The following CDH11 variants were observed in gnomAD, a reference collection of about 807,000 sequenced individuals.
CDH11 encodes the protein cadherin 11.
CDH11 carries 11 observed loss-of-function variants against 67.8 expected under a neutral mutation model. That is an observed-to-expected ratio of 0.16 (90% confidence interval 0.10 to 0.27). CDH11 has a LOEUF of 0.27. Among genes scored for constraint, CDH11 ranks in the 10% least tolerant of loss-of-function variants. The pLI, the probability that CDH11 is intolerant of heterozygous loss-of-function variation, is 1.00. For missense variants in CDH11, 847 were observed against 1,031.2 expected (o/e 0.82, Z 2.45); for synonymous variants, 419 against 400.0 (o/e 1.05, Z -0.57).
chr16:65,020,619 G>T (rs1278325018), intron 2 of CDH11, among the ~76,000 whole-genome samples: 3 of 152,160 alleles, frequency 2.0e-5, no homozygotes, highest in African/African-American at 7.2e-5. Context: ...TGTGAGCCAT[G>T]ATGCCGAGCC....
intron 1 of CDH11, among the ~76,000 whole-genome samples, chr16:65,073,759 G>A (rs2074460102): frequency 6.6e-6 from 1 of 152,072 alleles, no homozygotes; most frequent in Admixed American, 6.5e-5. Flanking sequence ...GTCACTTGGG[G>A]ACCTTATTAA....
chr16:65,107,487 T>C (rs75708868), intron 1 of CDH11, among the ~76,000 whole-genome samples: 5,429 of 152,284 alleles, frequency 0.036, 135 homozygotes, highest in South Asian at 0.12. Flanking sequence ...GTACTCTCCC[T>C]GTGAATTTCC....
At chr16:65,034,216 A>G (rs1177891593) in intron 2 of CDH11, among the ~76,000 whole-genome samples, 1 of 152,202 alleles carries the variant, frequency 6.6e-6, no homozygotes, top group Non-Finnish European at 1.5e-5. Context: ...CTGAGTTACC[A>G]GAAGCTAGGA....
At chr16:64,960,651 C>T (rs1433524763) in intron 11 of CDH11, among the ~76,000 whole-genome samples, 1 of 152,038 alleles carries the variant, frequency 6.6e-6, no homozygotes, top group Non-Finnish European at 1.5e-5. Flanking sequence ...CATGTGAGAG[C>T]ATGGCATATT....
chr16:64,971,506 T>C (rs2072004001), intron 11 of CDH11, 73 bp downstream of exon 11: 3 of 804,208 alleles, frequency 3.7e-6, no homozygotes, highest in Non-Finnish European at 6.3e-6. Flanking sequence ...TGAAAATACT[T>C]GTGCTATGCA....
chr16:65,007,040 G>A (rs1351182773), intron 2 of CDH11: 1 of 152,214 alleles, frequency 6.6e-6, no homozygotes, highest in Non-Finnish European at 1.5e-5. Flanking sequence ...GGGTGATGAG[G>A]TGCTTTCTCC....
At chr16:65,056,189 G>C (rs2074139000) in intron 1 of CDH11, among the ~76,000 whole-genome samples, 1 of 152,326 alleles carries the variant, frequency 6.6e-6, no homozygotes, top group East Asian at 1.9e-4. Context: ...TGGCTGCCAT[G>C]TCAAAAGTTC....
rs1441640825 is a variant in CDH11, at chr16:64,945,005, C to T, written c.*2598G>A. The T allele has an allele frequency of 1.4e-5, 3 of 209,744 alleles. No individual in the cohort carries two copies. Among genetic ancestry groups the T allele is most frequent in the Non-Finnish European group, 2.9e-5 (3 of 103,312 alleles). The allele number at this position is 209,744 out of a possible 1,614,324, so 13.0% of individuals were successfully genotyped here. Reference sequence around the variant, plus strand: ...ATTCTGAATCCTCCAGTAAGTGGAACAGGGTTTATAAAATAAGATTTTGAT... The same window carrying T: ...ATTCTGAATCCTCCAGTAAGTGGAATAGGGTTTATAAAATAAGATTTTGAT... On this transcript the variant is annotated 3_prime_UTR_variant, in exon 13 of 13. Transcript: ENST00000268603.
rs1183049909 is a variant in CDH11, at chr16:64,988,255, C to T, written c.901G>A (p.Gly301Ser). The change falls in exon 7 of 13, where the codon GGC becomes AGC. Residue 301 changes from glycine to serine, a missense_variant. By Grantham distance (56) the Gly-to-Ser change is moderately conservative. This residue lies in a region of CDH11 where 612 missense variants were observed against 678.7 expected (regional missense o/e 0.90). Transcript: ENST00000268603. Reference sequence around the variant, plus strand: ...TCAACAATATTGTATGTGACTAAGCCATTTTCTCCAATGTCTGGATCTTTA... The same window carrying T: ...TCAACAATATTGTATGTGACTAAGCTATTTTCTCCAATGTCTGGATCTTTA... ...KAKDPDIGENGLVTYNIVDGD... is the reference protein window; with the variant it reads ...KAKDPDIGENSLVTYNIVDGD... 1 of 1,613,622 alleles carries T rather than the reference C, an allele frequency of 6.2e-7. No homozygotes were observed. The highest frequency in any genetic ancestry group is 8.5e-7 in the Non-Finnish European group (1 of 1,179,746).
chr16:65,090,317 C>G (rs1224367447), intron 1 of CDH11, among the ~76,000 whole-genome samples: 1 of 152,062 alleles, frequency 6.6e-6, no homozygotes, highest in Non-Finnish European at 1.5e-5. Context: ...TGTCATCTTA[C>G]AACTAACAAT....
chr16:64,998,451 T>C, intron 4 of CDH11, 111 bp downstream of exon 4: 1 of 1,021,410 alleles, frequency 9.8e-7, no homozygotes, highest in East Asian at 2.4e-5. Flanking sequence ...TATTTTGCCA[T>C]AAAAGATAAA....
intron 11 of CDH11, among the ~76,000 whole-genome samples, chr16:64,962,413 G>C (rs117621582): frequency 0.025 from 3,783 of 152,220 alleles, 72 homozygotes; most frequent in Non-Finnish European, 0.038. Flanking sequence ...TAGATACAGA[G>C]AATCGAACTT....
At chr16:65,071,067 C>A (rs1283408746) in intron 1 of CDH11, among the ~76,000 whole-genome samples, 3 of 152,178 alleles carry the variant, frequency 2.0e-5, no homozygotes, top group African/African-American at 7.2e-5. Flanking sequence ...ATTGAACAAA[C>A]AGTTCAAAAG....
chr16:65,061,624 T>C (rs998093451), intron 1 of CDH11, among the ~76,000 whole-genome samples: 3 of 152,232 alleles, frequency 2.0e-5, no homozygotes, highest in Admixed American at 2.0e-4. Flanking sequence ...GTATTAAGTT[T>C]GAAAAAGTGT....
At chr16:64,993,747 C>A (rs193282541) in intron 4 of CDH11, among the ~76,000 whole-genome samples, 3 of 152,244 alleles carry the variant, frequency 2.0e-5, no homozygotes, top group Non-Finnish European at 2.9e-5. Context: ...CTAAAAACAA[C>A]CTTTGTTCCT....
At chr16:65,108,708 T>A (rs756598882) in intron 1 of CDH11, among the ~76,000 whole-genome samples, 4 of 152,118 alleles carry the variant, frequency 2.6e-5, no homozygotes, top group African/African-American at 9.7e-5. Flanking sequence ...TTTAAACATG[T>A]GGCTTTAATG....
intron 9 of CDH11, 41 bp from the exon 10 acceptor site, chr16:64,972,105 G>A (rs1567499333): frequency 6.3e-7 from 1 of 1,592,406 alleles, no homozygotes; most frequent in East Asian, 2.2e-5. Flanking sequence ...AGGTCAAGGA[G>A]AAATACACAT....
At chr16:65,101,249 G>A (rs2074986231) in intron 1 of CDH11, among the ~76,000 whole-genome samples, 2 of 152,086 alleles carry the variant, frequency 1.3e-5, no homozygotes, top group South Asian at 2.1e-4. Flanking sequence ...AACCTTCCTT[G>A]CCAAGAAGAC....
chr16:64,958,165 CTT>C (rs1277261864), intron 11 of CDH11, among the ~76,000 whole-genome samples: 1 of 152,164 alleles, frequency 6.6e-6, no homozygotes, highest in East Asian at 1.9e-4. Context: ...TTTCAGTCGT[CTT>C]TGTGCATTTA....
Sources: gnomAD v4.1 joint callset for allele counts (sites outside exome capture counted in the v4.1 genomes callset) on GRCh38, gnomAD v4.1.1 for gene constraint, gnomAD v4.1.1 regional missense constraint, MANE v1.5 for transcripts, NCBI Gene and HGNC (gene_info 2026-07-23, HGNC 2026-07-21) for gene names.